The following TNFRSF14 variants were observed in gnomAD, a reference collection of about 807,000 sequenced individuals.
The protein encoded by TNFRSF14 is tumor necrosis factor receptor superfamily member 14.
Under a neutral mutation model 34.1 loss-of-function variants are expected in TNFRSF14, and 18 were observed. The observed-to-expected ratio is 0.53, with a 90% confidence interval of 0.36 to 0.78. The LOEUF is 0.78. Ranked by LOEUF, TNFRSF14 falls within the 30% of genes least tolerant of loss-of-function variation. TNFRSF14 has a pLI of 0.00. For synonymous variants in TNFRSF14, 157 were observed against 153.2 expected (o/e 1.02, Z -0.18); for missense variants, 352 against 379.5 (o/e 0.93, Z 0.60).
chr1:2,563,185 T>A lies in TNFRSF14; in HGVS notation c.764T>A (p.Ile255Asn). 6.2e-7 allele frequency: 1 copy of A among 1,613,506 alleles called. No homozygotes were observed. The highest frequency in any genetic ancestry group is 8.5e-7 in the Non-Finnish European group (1 of 1,180,014). Residue 255 changes from isoleucine to asparagine, a missense_variant, in exon 8 of 8, where the codon ATT becomes AAT. Physicochemically the swap from Ile to Asn is moderately radical, Grantham distance 149. Coordinates refer to ENST00000355716, the MANE Select transcript of TNFRSF14 (RefSeq NM_003820.4). ...RQEAEGEATV[I>N]EALQAPPDVT... Reference sequence around the variant, plus strand: ...GAGGCAGAAGGTGAGGCCACAGTCATTGAGGCCCTGCAGGCCCCTCCGGAC... The same window carrying A: ...GAGGCAGAAGGTGAGGCCACAGTCAATGAGGCCCTGCAGGCCCCTCCGGAC...
intron 5 of TNFRSF14, 141 bp downstream of exon 5, chr1:2,560,855 A>G: frequency 1.4e-6 from 1 of 709,992 alleles, no homozygotes; most frequent in Non-Finnish European, 2.4e-6. Flanking sequence ...GCCTGCGTCC[A>G]GGAGAGCTGC....
At chr1:2,556,755 C>A in intron 1 of TNFRSF14, 22 bp downstream of exon 1, 2 of 1,573,890 alleles carry the variant, frequency 1.3e-6, no homozygotes, top group Non-Finnish European at 1.7e-6. Flanking sequence ...AGCCTCCTCT[C>A]CGTCTGCTCG....
rs769869774 is a variant in TNFRSF14 at position 2,561,835 on chromosome 1, A to G, written c.694+20A>G. Reference sequence around the variant, plus strand: ...CAAGGGGTGAGCACACGGCGGCCCCATCAGGGCTCATGTCCCCAGCCGTCA... The same window carrying G: ...CAAGGGGTGAGCACACGGCGGCCCCGTCAGGGCTCATGTCCCCAGCCGTCA... On this transcript the variant is annotated intron_variant, in intron 6 of 7. Coordinates refer to ENST00000355716, the MANE Select transcript of TNFRSF14 (RefSeq NM_003820.4). This position sits in a 1 kb window ranked among gnomAD's most constrained non-coding sequence, Gnocchi z 6.0. 1 of 1,609,728 alleles carries G rather than the reference A, an allele frequency of 6.2e-7. No homozygotes were observed. The highest frequency in any genetic ancestry group is 8.5e-7 in the Non-Finnish European group (1 of 1,177,816).
Position 2,561,574 on chromosome 1 carries a change from C to T in TNFRSF14, c.552-99C>T, listed in dbSNP as rs889521407. 8 of 1,593,090 alleles carry T rather than the reference C, an allele frequency of 5.0e-6. No individual in the cohort carries two copies. The highest frequency in any genetic ancestry group is 1.3e-5 in the African/African-American group (1 of 74,318). On this transcript the variant is annotated intron_variant, in intron 5 of 7. Coordinates refer to ENST00000355716, the MANE Select transcript of TNFRSF14 (RefSeq NM_003820.4). The surrounding 1 kb of genome is among the most constrained non-coding windows in gnomAD (Gnocchi z 6.0). ...GCCCAGCCTCCCTGGGACCTGTCTTCACTGCCTGGGGCCCTGGGAGCCAGG... is the reference window on the plus strand; with the variant it reads ...GCCCAGCCTCCCTGGGACCTGTCTTTACTGCCTGGGGCCCTGGGAGCCAGG...
At chr1:2,557,861 C>G (rs1259405798) in intron 2 of TNFRSF14, 27 bp downstream of exon 2, 4 of 1,559,838 alleles carry the variant, frequency 2.6e-6, no homozygotes, top group Non-Finnish European at 3.5e-6. Context: ...GGCGGGCCAG[C>G]TCTGTGGGCC....
intron 5 of TNFRSF14, 60 bp downstream of exon 5, chr1:2,560,774 C>A: frequency 6.6e-7 from 1 of 1,504,220 alleles, no homozygotes; most frequent in Non-Finnish European, 9.2e-7. Context: ...CACGTTGCTT[C>A]CCTGGGAGAT....
rs1295575705 is a variant in TNFRSF14 at position 2,563,717 on chromosome 1, G to A, written c.*444G>A. ...TGTGGTGTTTAGTGGATACCACATC[G>A]GAAGTGATTTTCTAAATTGGATTTG... On this transcript the variant is annotated 3_prime_UTR_variant, in exon 8 of 8. Transcript: ENST00000355716. 1.2e-5 allele frequency: 3 copies of A among 243,260 alleles called. No homozygotes were observed. Among genetic ancestry groups the A allele is most frequent in the African/African-American group, 2.2e-5 (1 of 45,720 alleles). The allele number at this position is 243,260 out of a possible 1,614,324, so 15.1% of individuals were successfully genotyped here. A position where few individuals can be genotyped will look rare whatever the true frequency, so the allele number is the denominator to read the frequency against.
At position 2,562,179 on chromosome 1, in the gene TNFRSF14, C is replaced by T. The variant is rs142084467; in HGVS notation, c.694+364C>T. 32 of 352,468 alleles carry T rather than the reference C, an allele frequency of 9.1e-5. No individual in the cohort carries two copies. In the East Asian group the frequency reaches 1.5e-3, roughly 17 times the overall value. The allele number at this position is 352,468 out of a possible 1,614,324, so 21.8% of individuals were successfully genotyped here. The stretch of plus-strand genomic sequence containing the variant: ...AACAGCCGCCCTGCTGGGGACAAGG[C>T]TTTGTCCTCATTGAGGAGAGTAAGG... On this transcript the variant is annotated intron_variant, in intron 6 of 7. Coordinates refer to ENST00000355716, the MANE Select transcript of TNFRSF14 (RefSeq NM_003820.4).
At chr1:2,560,126 A>G in intron 4 of TNFRSF14, 148 bp downstream of exon 4, 1 of 1,271,444 alleles carries the variant, frequency 7.9e-7, no homozygotes, top group Non-Finnish European at 1.1e-6. Flanking sequence ...CACCCACTTC[A>G]GCCCTGTCCT....
chr1:2,555,340 A>G (rs1264855940), upstream of TNFRSF14: 2 of 152,124 alleles, frequency 1.3e-5, no homozygotes, highest in Admixed American at 1.3e-4. This position sits in a 1 kb window ranked among gnomAD's most constrained non-coding sequence, Gnocchi z 6.3. Context: ...AGGGCTGCAC[A>G]CTTTCTAGTT....
chr1:2,559,842 C>T lies in TNFRSF14; in HGVS notation c.324C>T (p.Ser108=), dbSNP rs1644279575. 5 of 1,608,566 alleles carry T rather than the reference C, an allele frequency of 3.1e-6. No homozygotes were observed. Among genetic ancestry groups the T allele is most frequent in the South Asian group, 1.1e-5 (1 of 90,104 alleles). ...MCDPAMGLRA[S]RNCSRTENAV... Reference sequence around the variant, plus strand: ...CTCCAGCCATGGGCCTGCGCGCGAGCCGGAACTGCTCCAGGACAGAGAACG... The same window carrying T: ...CTCCAGCCATGGGCCTGCGCGCGAGTCGGAACTGCTCCAGGACAGAGAACG... Residue 108 remains serine, a synonymous_variant, in exon 4 of 8, where the codon AGC becomes AGT. Transcript: ENST00000355716.
chr1:2,556,479 C>G lies in TNFRSF14; in HGVS notation c.-186C>G. ...AGCAGGCCTGAGCCCCTCTCTGCTG[C>G]CAGACACCCCCTGCTGCCCACTCTC... On this transcript the variant is annotated 5_prime_UTR_variant, in exon 1 of 8. Coordinates refer to ENST00000355716, the MANE Select transcript of TNFRSF14 (RefSeq NM_003820.4). 1.4e-6 allele frequency: 1 copy of G among 719,532 alleles called. No individual in the cohort carries two copies. Among genetic ancestry groups the G allele is most frequent in the East Asian group, 2.7e-5 (1 of 37,336 alleles). 44.6% of individuals were successfully genotyped at this position (719,532 alleles called of 1,614,324 possible).
chr1:2,560,159 G>T (rs1274434864), intron 4 of TNFRSF14, among the ~76,000 whole-genome samples, 181 bp downstream of exon 4: 1 of 152,206 alleles, frequency 6.6e-6, no homozygotes, highest in Non-Finnish European at 1.5e-5. Flanking sequence ...GTGGGGAACA[G>T]GTGATGGAGG....
chr1:2,559,236 C>G (rs1261627036), intron 3 of TNFRSF14: 56 of 1,369,880 alleles, frequency 4.1e-5, no homozygotes, highest in Non-Finnish European at 5.1e-5. Context: ...GGGGCTCACA[C>G]CTCAACCTGC....
intron 4 of TNFRSF14, 142 bp from the exon 5 acceptor site, chr1:2,560,482 A>G (rs1338822138): frequency 1.6e-6 from 1 of 620,560 alleles, no homozygotes; most frequent in Non-Finnish European, 2.8e-6. Context: ...GACTCTGGAC[A>G]GGGAGCCTGC....
At chr1:2,558,669 C>G (rs1162194908) in intron 3 of TNFRSF14, 1 of 1,179,132 alleles carries the variant, frequency 8.5e-7, no homozygotes, top group Non-Finnish European at 1.2e-6. Flanking sequence ...TGTCTCACCT[C>G]TCACTTTGTC....
At chr1:2,562,820 G>C in intron 6 of TNFRSF14, 45 bp from the exon 7 acceptor site, 1 of 1,613,560 alleles carries the variant, frequency 6.2e-7, no homozygotes, top group Non-Finnish European at 8.5e-7. Context: ...TGTGTCCCCT[G>C]ATCAGACACT....
In TNFRSF14 at chr1:2,561,170, A is replaced by C. The variant is rs1644302960; in HGVS notation, c.551+456A>C. On this transcript the variant is annotated intron_variant, in intron 5 of 7. Coordinates refer to ENST00000355716, the MANE Select transcript of TNFRSF14 (RefSeq NM_003820.4). This position sits in a 1 kb window ranked among gnomAD's most constrained non-coding sequence, Gnocchi z 6.0. ...TGAGACTTCAGAGCTTCTTGGGAGG[A>C]GCTGGGGTCCCCCAGCGGAGCCTGG... 2.7e-6 allele frequency: 1 copy of C among 364,566 alleles called. No individual in the cohort carries two copies. 22.6% of individuals were successfully genotyped at this position (364,566 alleles called of 1,614,324 possible).
intron 2 of TNFRSF14, among the ~76,000 whole-genome samples, chr1:2,558,043 G>A (rs568041784): frequency 6.6e-6 from 1 of 152,212 alleles, no homozygotes; most frequent in Non-Finnish European, 1.5e-5. Flanking sequence ...ACACTGCACA[G>A]GGGGTGGGTC....
Sources: allele counts gnomAD v4.1 joint callset (sites outside exome capture counted in the v4.1 genomes callset), GRCh38; gene constraint gnomAD v4.1.1; non-coding constraint Gnocchi (gnomAD v3.1); transcripts MANE v1.5; gene names NCBI Gene and HGNC (gene_info 2026-07-23, HGNC 2026-07-21).